Variants in PWWP3B observed in about 807,000 individuals in gnomAD.
PWWP3B encodes the protein PWWP domain containing 3B.
PWWP3B carries 5 observed loss-of-function variants against 15.7 expected under a neutral mutation model. The ratio of observed to expected loss-of-function variants is 0.32; its 90% CI spans 0.17 to 0.67. The LOEUF (loss-of-function observed/expected upper bound fraction) is 0.67. Ranked by LOEUF, PWWP3B falls within the 30% of genes least tolerant of loss-of-function variation. The probability of loss-of-function intolerance (pLI) is 0.74; values close to 1 mark genes in which losing one functional copy is unlikely to be tolerated. For missense variants in PWWP3B, 519 were observed against 493.1 expected, an observed-to-expected ratio of 1.05 and a Z score of -0.50; for synonymous variants, 203 against 179.8, an observed-to-expected ratio of 1.13 and a Z score of -1.03.
intron 2 of PWWP3B, among the ~76,000 whole-genome samples, chrX:106,194,254 T>C (rs1243616389): frequency 9.0e-6 from 1 of 111,504 alleles, no homozygotes; most frequent in African/African-American, 3.3e-5. Context: ...TCATTCTTTT[T>C]TCTCTAAATT....
intron 2 of PWWP3B, among the ~76,000 whole-genome samples, chrX:106,193,009 G>C (rs1404014975): frequency 1.8e-5 from 2 of 111,672 alleles, no homozygotes; most frequent in Non-Finnish European, 3.8e-5. Context: ...TGAATAGAAT[G>C]TATATTTTGT....
intron 2 of PWWP3B, among the ~76,000 whole-genome samples, chrX:106,190,219 T>C (rs1235342181): frequency 8.9e-6 from 1 of 111,981 alleles, no homozygotes; most frequent in African/African-American, 3.3e-5. Flanking sequence ...TTTCCTGACT[T>C]TTTAATGATT....
rs1013270714 is a variant in PWWP3B, at chrX:106,205,600, G to T, written c.168G>T (p.Lys56Asn). Reference protein sequence around the residue: ...EKIKLDSTETKILNKSQIEAI... With the variant: ...EKIKLDSTETNILNKSQIEAI... Reference sequence around the variant, plus strand: ...TTAAATTGGACAGCACAGAAACAAAGATCCTAAATAAATCTCAAATTGAAG... The same window carrying T: ...TTAAATTGGACAGCACAGAAACAAATATCCTAAATAAATCTCAAATTGAAG... The change falls in exon 4 of 4, where the codon AAG becomes AAT. Residue 56 changes from lysine (K) to asparagine (N), a missense_variant. Physicochemically the swap from Lys to Asn is moderately conservative, Grantham distance 94. Coordinates refer to ENST00000357175, the MANE Select transcript of PWWP3B (RefSeq NM_001171020.2). 4 of 1,207,641 alleles carry T rather than the reference G, an allele frequency of 3.3e-6. No homozygotes were observed. The African/African-American group carries it at 5.2e-5, about 16-fold the overall frequency.
chrX:106,180,596 A>G (rs1218498735), intron 2 of PWWP3B, among the ~76,000 whole-genome samples: 1 of 111,973 alleles, frequency 8.9e-6, no homozygotes, highest in Non-Finnish European at 1.9e-5. Context: ...AAGCTACAGA[A>G]GAAGAAAACT....
intron 2 of PWWP3B, among the ~76,000 whole-genome samples, chrX:106,179,058 G>T (rs2147591368): frequency 8.9e-6 from 1 of 111,824 alleles, no homozygotes; most frequent in East Asian, 2.8e-4. Flanking sequence ...GTCACAAGAT[G>T]GTGCTTGCAA....
chrX:106,171,882 C>T (rs1049453516), intron 2 of PWWP3B, among the ~76,000 whole-genome samples: 2 of 110,677 alleles, frequency 1.8e-5, no homozygotes, highest in South Asian at 7.7e-4. Flanking sequence ...ATAACAATGC[C>T]CTTTTCTGGA....
At chrX:106,197,879 TG>T (rs1387434300) in intron 2 of PWWP3B, among the ~76,000 whole-genome samples, 2 of 111,873 alleles carry the variant, frequency 1.8e-5, no homozygotes, top group African/African-American at 6.5e-5. Context: ...TATTAAGTTA[TG>T]AATGACATTC....
rs1241071179 is a variant in PWWP3B, at chrX:106,195,211, CAAT to C, written c.-400-8767_-400-8765del. On this transcript the variant is annotated intron_variant, in intron 2 of 3. Coordinates refer to ENST00000357175, the MANE Select transcript of PWWP3B (RefSeq NM_001171020.2). ...AATTCACTATTTTTATTTGGTTATTCAATAATAATCTTATTATTGAATTTTGAG... is the reference window on the plus strand; with the variant it reads ...AATTCACTATTTTTATTTGGTTATTCAATAATCTTATTATTGAATTTTGAG... Among the ~76,000 whole-genome samples, 4 of 111,671 alleles carry C rather than the reference CAAT, an allele frequency of 3.6e-5. No homozygotes were observed. The East Asian group carries it at 1.1e-3, about 32-fold the overall frequency.
intron 2 of PWWP3B, among the ~76,000 whole-genome samples, chrX:106,178,667 A>C (rs1344307031): frequency 8.9e-6 from 1 of 112,300 alleles, no homozygotes; most frequent in African/African-American, 3.2e-5. Context: ...CTAAAAAATC[A>C]CATTGAAAAC....
chrX:106,190,371 G>A (rs1326236646), intron 2 of PWWP3B, among the ~76,000 whole-genome samples: 37 of 111,645 alleles, frequency 3.3e-4, no homozygotes, highest in Admixed American at 3.8e-4. Flanking sequence ...CATATCATTC[G>A]CCGACTTTTT....
chrX:106,196,770 A>G (rs888826906), intron 2 of PWWP3B, among the ~76,000 whole-genome samples: 1 of 111,914 alleles, frequency 8.9e-6, no homozygotes, highest in Non-Finnish European at 1.9e-5. Flanking sequence ...GTTATTTTCT[A>G]GTTTGGGTAT....
At chrX:106,169,326 A>T (rs183838665) in intron 1 of PWWP3B, among the ~76,000 whole-genome samples, 15 of 112,056 alleles carry the variant, frequency 1.3e-4, no homozygotes, top group African/African-American at 4.9e-4. Flanking sequence ...TCAAACATGT[A>T]TGTGATGAGG....
At chrX:106,180,788 C>T (rs765222158) in intron 2 of PWWP3B, among the ~76,000 whole-genome samples, 1 of 111,906 alleles carries the variant, frequency 8.9e-6, no homozygotes, top group Non-Finnish European at 1.9e-5. Flanking sequence ...TTTCCTGTCC[C>T]CTTCTTTTCT....
intron 2 of PWWP3B, among the ~76,000 whole-genome samples, chrX:106,177,558 T>C (rs1347350156): frequency 8.9e-6 from 1 of 112,717 alleles, no homozygotes; most frequent in African/African-American, 3.2e-5. Flanking sequence ...AAGTCCTCCG[T>C]GTGGGAATGG....
chrX:106,182,739 G>A (rs1422367294), intron 2 of PWWP3B, among the ~76,000 whole-genome samples: 5 of 109,518 alleles, frequency 4.6e-5, no homozygotes, highest in Non-Finnish European at 9.5e-5. Flanking sequence ...CTGCAGGGGG[G>A]TCTGGGGTGA....
chrX:106,184,728 A>C (rs1263184290), intron 2 of PWWP3B, among the ~76,000 whole-genome samples: 1 of 112,035 alleles, frequency 8.9e-6, no homozygotes, highest in Non-Finnish European at 1.9e-5. Flanking sequence ...GGACATCTAT[A>C]TACCTATCGG....
At chrX:106,189,746 T>C (rs1360513380) in intron 2 of PWWP3B, among the ~76,000 whole-genome samples, 2 of 107,553 alleles carry the variant, frequency 1.9e-5, no homozygotes, top group Non-Finnish European at 3.8e-5. Context: ...GCCTCCCGAG[T>C]AGCTGGGACT....
chrX:106,188,244 G>GCCCCC (rs746230959), intron 2 of PWWP3B, among the ~76,000 whole-genome samples: 1 of 110,331 alleles, frequency 9.1e-6, no homozygotes, highest in African/African-American at 3.3e-5. Flanking sequence ...TGTTGTAGGT[G>GCCCCC]CCCCCCCCAT....
intron 2 of PWWP3B, among the ~76,000 whole-genome samples, chrX:106,187,265 G>A (rs187223219): frequency 8.9e-4 from 100 of 112,180 alleles, no homozygotes; most frequent in African/African-American, 3.0e-3. Context: ...AGGTTTATTT[G>A]TCTATGCACT....
Sources: allele counts gnomAD v4.1 joint callset (sites outside exome capture counted in the v4.1 genomes callset), GRCh38; gene constraint gnomAD v4.1.1; transcripts MANE v1.5; gene names NCBI Gene and HGNC (gene_info 2026-07-23, HGNC 2026-07-21).